Variants in ABCG1 observed in about 807,000 individuals in gnomAD.
ABCG1 encodes the protein ATP binding cassette subfamily G member 1.
In ABCG1, 29 loss-of-function variants were observed where a neutral mutation model predicts 69.2. That is an observed-to-expected ratio of 0.42 (90% confidence interval 0.31 to 0.57). The LOEUF (loss-of-function observed/expected upper bound fraction) is 0.57. Among genes scored for constraint, ABCG1 ranks in the 20% least tolerant of loss-of-function variants. The pLI, the probability that ABCG1 is intolerant of heterozygous loss-of-function variation, is 0.15. For missense variants in ABCG1, 718 were observed against 898.1 expected (o/e 0.80, Z 2.56); for synonymous variants, 370 against 374.8 (o/e 0.99, Z 0.15).
chr21:42,227,283 CCTT>C (rs1239070274), intron 2 of ABCG1, among the ~76,000 whole-genome samples: 1 of 152,110 alleles, frequency 6.6e-6, no homozygotes, highest in Non-Finnish European at 1.5e-5. Context: ...TGGGCCCACT[CCTT>C]TGATCATGTT....
intron 2 of ABCG1, among the ~76,000 whole-genome samples, chr21:42,237,907 C>T (rs1254031942): frequency 6.6e-6 from 1 of 152,200 alleles, no homozygotes; most frequent in Non-Finnish European, 1.5e-5. Flanking sequence ...TGAATGCCAG[C>T]TCCACCTCTT....
intron 2 of ABCG1, among the ~76,000 whole-genome samples, chr21:42,229,876 C>T (rs557009875): frequency 2.0e-5 from 3 of 152,206 alleles, no homozygotes; most frequent in Middle Eastern, 3.2e-3. Flanking sequence ...AAGTTCCTTC[C>T]CATTACAAAG....
Position 42,287,817 on chromosome 21 carries a change from C to A in ABCG1, c.974-72C>A. ...CTTTAAAACATTCCCACTTGAATAACGACTTTCGCATTTGGGTGGTTGGGG... is the reference window on the plus strand; with the variant it reads ...CTTTAAAACATTCCCACTTGAATAAAGACTTTCGCATTTGGGTGGTTGGGG... On this transcript the variant is annotated intron_variant, in intron 8 of 14. Transcript: ENST00000398449. The surrounding 1 kb of genome is among the most constrained non-coding windows in gnomAD (Gnocchi z 6.2). The A allele has an allele frequency of 6.9e-7, 1 of 1,452,524 alleles. No individual in the cohort carries two copies. The highest frequency in any genetic ancestry group is 1.4e-5 in the South Asian group (1 of 69,810). The allele number at this position is 1,452,524 out of a possible 1,614,324, so 90.0% of individuals were successfully genotyped here.
At chr21:42,234,868 G>A (rs1362760483) in intron 2 of ABCG1, among the ~76,000 whole-genome samples, 1 of 151,344 alleles carries the variant, frequency 6.6e-6, no homozygotes, top group African/African-American at 2.4e-5. Context: ...CCGCCCATCC[G>A]CCGCCACCGC....
chr21:42,296,140 C>T lies in ABCG1; in HGVS notation c.1773-24C>T, dbSNP rs1278975162. ...GTGGCTGGCTGGGAGAACGTCCTCCCTCATGCCTGGCCTTTCCTCCTAGGT... is the reference window on the plus strand; with the variant it reads ...GTGGCTGGCTGGGAGAACGTCCTCCTTCATGCCTGGCCTTTCCTCCTAGGT... On this transcript the variant is annotated intron_variant, in intron 14 of 14. Transcript: ENST00000398449. The surrounding 1 kb of genome is among the most constrained non-coding windows in gnomAD (Gnocchi z 5.4). 1 of 1,601,202 alleles carries T rather than the reference C, an allele frequency of 6.2e-7. No homozygotes were observed. Among genetic ancestry groups the T allele is most frequent in the African/African-American group, 1.3e-5 (1 of 74,620 alleles).
chr21:42,208,825 C>G (rs4148088), intron 2 of ABCG1, among the ~76,000 whole-genome samples: 12,327 of 152,158 alleles, frequency 0.081, 625 homozygotes, highest in East Asian at 0.22. Context: ...TTGTTTTTCT[C>G]CTAAAGCCTT....
At chr21:42,258,691 G>A (rs1378542749) in intron 2 of ABCG1, among the ~76,000 whole-genome samples, 6 of 152,130 alleles carry the variant, frequency 3.9e-5, no homozygotes, top group African/African-American at 7.2e-5. Context: ...TTCTACTAGA[G>A]AACAGCCGAG....
chr21:42,235,493 G>C (rs1251446888), intron 2 of ABCG1, among the ~76,000 whole-genome samples: 4 of 152,220 alleles, frequency 2.6e-5, no homozygotes, highest in South Asian at 4.1e-4. Flanking sequence ...CGTGCCCAAA[G>C]GGGTCGGGAA....
chr21:42,209,879 C>G (rs890313309), intron 2 of ABCG1, among the ~76,000 whole-genome samples: 1 of 152,132 alleles, frequency 6.6e-6, no homozygotes, highest in Non-Finnish European at 1.5e-5. Context: ...CAGAGAAGAA[C>G]GAGTTTGTTT....
At chr21:42,286,781 G>T (rs2068948990) in intron 8 of ABCG1, among the ~76,000 whole-genome samples, 2 of 152,218 alleles carry the variant, frequency 1.3e-5, no homozygotes, top group South Asian at 4.1e-4. Context: ...ATGCAGAGAG[G>T]TCCTGGAGAG....
At chr21:42,277,740 G>A (rs1331873549) in intron 5 of ABCG1, among the ~76,000 whole-genome samples, 1 of 152,230 alleles carries the variant, frequency 6.6e-6, no homozygotes, top group Non-Finnish European at 1.5e-5. Context: ...TGAGAGTGGG[G>A]TTTGCCGGGT....
chr21:42,232,397 G>T (rs73362737), intron 2 of ABCG1, among the ~76,000 whole-genome samples: 8,112 of 152,284 alleles, frequency 0.053, 718 homozygotes, highest in African/African-American at 0.18. Context: ...GGCGTTGTTA[G>T]CGGTGGCAGC....
In ABCG1 at chr21:42,266,309, T is replaced by TA. The variant is rs370054478; in HGVS notation, c.287-4758dup. On this transcript the variant is annotated intron_variant, in intron 2 of 14. Coordinates refer to ENST00000398449, the MANE Select transcript of ABCG1 (RefSeq NM_016818.3). ...GAGCGAGACTCTGTCTCAAAATAAA[T>TA]AAATAAAATAAAATAAAATAAAATA... Among the ~76,000 whole-genome samples, 18 of 150,826 alleles carry TA rather than the reference T, an allele frequency of 1.2e-4. No individual in the cohort carries two copies. The South Asian group carries it at 1.7e-3, about 14-fold the overall frequency.
At chr21:42,249,066 C>T (rs2068180208) in intron 2 of ABCG1, among the ~76,000 whole-genome samples, 1 of 152,144 alleles carries the variant, frequency 6.6e-6, no homozygotes, top group Non-Finnish European at 1.5e-5. Flanking sequence ...GGAACACATG[C>T]AATGTGATGC....
intron 10 of ABCG1, among the ~76,000 whole-genome samples, chr21:42,289,488 T>C (rs1301666878): frequency 6.6e-6 from 1 of 152,154 alleles, no homozygotes; most frequent in Non-Finnish European, 1.5e-5. Context: ...CTGTGAATCA[T>C]GAGGATTGGG....
chr21:42,285,772 G>T, intron 7 of ABCG1, 108 bp from the exon 8 acceptor site: 1 of 787,708 alleles, frequency 1.3e-6, no homozygotes, highest in Non-Finnish European at 2.2e-6. Flanking sequence ...TGATCGCTGG[G>T]CTGACTGATT....
chr21:42,278,033 G>C (rs532397912), intron 5 of ABCG1, among the ~76,000 whole-genome samples: 4 of 152,326 alleles, frequency 2.6e-5, no homozygotes, highest in African/African-American at 9.6e-5. Context: ...GCCCGGTGCA[G>C]GTGGAAAGAG....
intron 2 of ABCG1, among the ~76,000 whole-genome samples, chr21:42,228,683 G>A (rs1391082045): frequency 2.6e-5 from 4 of 152,210 alleles, no homozygotes. Flanking sequence ...CAGGGTCCAT[G>A]TAGCCAGCAG....
Position 42,288,190 on chromosome 21 carries a change from C to G in ABCG1, c.1123-21C>G. ...GCTCCGGACTGGCTTTCACCCGCTC[C>G]CCTCTTGCGTGTGTCCTCAGGACTC... On this transcript the variant is annotated intron_variant, in intron 9 of 14. Coordinates refer to ENST00000398449, the MANE Select transcript of ABCG1 (RefSeq NM_016818.3). The surrounding 1 kb of genome is among the most constrained non-coding windows in gnomAD (Gnocchi z 4.8). 6.2e-7 allele frequency: 1 copy of G among 1,613,064 alleles called. No homozygotes were observed. The highest frequency in any genetic ancestry group is 8.5e-7 in the Non-Finnish European group (1 of 1,178,984).
Sources: allele counts gnomAD v4.1 joint callset (sites outside exome capture counted in the v4.1 genomes callset), GRCh38; gene constraint gnomAD v4.1.1; non-coding constraint Gnocchi (gnomAD v3.1); transcripts MANE v1.5; gene names NCBI Gene and HGNC (gene_info 2026-07-23, HGNC 2026-07-21).